The following RGS6 variants were observed in gnomAD, a reference collection of about 807,000 sequenced individuals.
RGS6 encodes regulator of G-protein signaling 6.
Under a neutral mutation model 78.5 loss-of-function variants are expected in RGS6, and 30 were observed. That is an observed-to-expected ratio of 0.38 (90% confidence interval 0.29 to 0.52). The LOEUF (loss-of-function observed/expected upper bound fraction) is 0.52, where lower values mean the gene tolerates loss of function less well. Among genes scored for constraint, RGS6 ranks in the 20% least tolerant of loss-of-function variants. The pLI, the probability that RGS6 is intolerant of heterozygous loss-of-function variation, is 0.85. For missense variants in RGS6, 495 were observed against 609.7 expected (o/e 0.81, Z 1.98); for synonymous variants, 206 against 206.0 (o/e 1.00, Z 0.00).
chr14:72,553,345 T>C (rs766148585), intron 17 of RGS6: 8 of 152,666 alleles, frequency 5.2e-5, no homozygotes, highest in Non-Finnish European at 8.8e-5. Flanking sequence ...GGTGGCTTCC[T>C]TCCAGCAGTG....
intron 2 of RGS6, among the ~76,000 whole-genome samples, chr14:72,257,808 C>G (rs1594897553): frequency 1.3e-5 from 2 of 152,130 alleles, no homozygotes; most frequent in Non-Finnish European, 2.9e-5. Flanking sequence ...AGTCCACAAG[C>G]CTCCCCCTCT....
rs528017926 is a variant in RGS6, at chr14:72,057,563, T to C, written c.84+92688T>C. Reference sequence around the variant, plus strand: ...TATCTCTCTGTTAATGCGTTTCCCATGATGATACTCGCTGCTGAGATACTT... The same window carrying C: ...TATCTCTCTGTTAATGCGTTTCCCACGATGATACTCGCTGCTGAGATACTT... On this transcript the variant is annotated intron_variant, in intron 2 of 17. Transcript: ENST00000553525. Among the ~76,000 whole-genome samples the C allele has an allele frequency of 2.6e-5, 4 of 152,290 alleles. No individual in the cohort carries two copies. The East Asian group carries it at 7.7e-4, about 29-fold the overall frequency.
rs576342709 is a variant in RGS6, at chr14:72,530,827, C to T, written c.1279-5359C>T. Among the ~76,000 whole-genome samples the T allele has an allele frequency of 2.0e-5, 3 of 152,304 alleles. No individual in the cohort carries two copies. The South Asian group carries it at 6.2e-4, about 32-fold the overall frequency. ...ATGCTCCTCTGAGCTGAGTGTAATC[C>T]TCATTCTCCTTCTGTGCAGAGAGCA... On this transcript the variant is annotated intron_variant, in intron 15 of 17. Transcript: ENST00000553525.
At position 72,495,364 on chromosome 14, in the gene RGS6, G is replaced by T. The variant is rs563353759; in HGVS notation, c.965+102G>T. ...CTATCTTAATTTGACATTTTTTATC[G>T]CTAGAACAGAAACCCCTCAAGTAGC... On this transcript the variant is annotated intron_variant, in intron 13 of 17. Transcript: ENST00000553525. The T allele has an allele frequency of 2.2e-5, 18 of 811,394 alleles. No individual in the cohort carries two copies. The Admixed American group carries it at 3.3e-4, about 15-fold the overall frequency. 50.3% of individuals were successfully genotyped at this position (811,394 alleles called of 1,614,324 possible).
chr14:72,359,843 G>A (rs1276380619), intron 3 of RGS6, among the ~76,000 whole-genome samples: 1 of 152,182 alleles, frequency 6.6e-6, no homozygotes, highest in African/African-American at 2.4e-5. Context: ...CTTTAGCAAT[G>A]CTGAATTCAT....
intron 6 of RGS6, among the ~76,000 whole-genome samples, chr14:72,463,971 A>T (rs2095842951): frequency 6.6e-6 from 1 of 152,220 alleles, no homozygotes; most frequent in Non-Finnish European, 1.5e-5. Flanking sequence ...TAAGATATAC[A>T]AAGGAACACT....
chr14:72,021,039 A>G (rs1181414323), intron 2 of RGS6, among the ~76,000 whole-genome samples: 1 of 152,184 alleles, frequency 6.6e-6, no homozygotes, highest in Non-Finnish European at 1.5e-5. Flanking sequence ...GTGTCTTGCC[A>G]ACTGGGACCA....
intron 2 of RGS6, among the ~76,000 whole-genome samples, chr14:72,342,100 C>G (rs1000310478): frequency 1.3e-5 from 2 of 152,188 alleles, no homozygotes; most frequent in African/African-American, 4.8e-5. Context: ...CAGCATTTCA[C>G]AGTGCTGGTT....
At chr14:72,166,327 G>A (rs1319853618) in intron 2 of RGS6, among the ~76,000 whole-genome samples, 1 of 152,058 alleles carries the variant, frequency 6.6e-6, no homozygotes, top group Non-Finnish European at 1.5e-5. Context: ...TTAGATTCAT[G>A]AATTCCTTTA....
chr14:72,458,176 G>T, intron 4 of RGS6, 95 bp from the exon 5 acceptor site: 2 of 892,564 alleles, frequency 2.2e-6, no homozygotes. Flanking sequence ...CAGACATCTG[G>T]GGGTGATGAC....
At chr14:72,217,688 A>G (rs1450011979) in intron 2 of RGS6, among the ~76,000 whole-genome samples, 1 of 152,214 alleles carries the variant, frequency 6.6e-6, no homozygotes, top group Non-Finnish European at 1.5e-5. Flanking sequence ...GTTACTAGCA[A>G]CAATACTGGT....
intron 2 of RGS6, among the ~76,000 whole-genome samples, chr14:72,166,376 AG>A (rs1286265313): frequency 1.3e-5 from 2 of 152,266 alleles, no homozygotes; most frequent in East Asian, 3.8e-4. Context: ...AATACAGACT[AG>A]TAAATTTATA....
At chr14:72,134,053 G>C (rs1425971030) in intron 2 of RGS6, among the ~76,000 whole-genome samples, 2 of 152,170 alleles carry the variant, frequency 1.3e-5, no homozygotes, top group Admixed American at 6.5e-5. Context: ...TCAAAATGAA[G>C]CCTACTTGGC....
the RGS6 span, among the ~76,000 whole-genome samples, chr14:71,885,896 CTTCCTTCT>C: frequency 4.7e-5 from 7 of 150,268 alleles, no homozygotes; most frequent in South Asian, 2.1e-4. Context: ...TCCTTCCTTC[CTTCCTTCT>C]TTCCTTCTTT....
chr14:72,478,397 T>C, intron 12 of RGS6, 68 bp downstream of exon 12: 4 of 1,165,194 alleles, frequency 3.4e-6, no homozygotes, highest in Non-Finnish European at 5.1e-6. Flanking sequence ...TACAGGGTTA[T>C]GGTTAACGAA....
At chr14:72,441,075 TGA>T (rs2095178523) in intron 3 of RGS6, among the ~76,000 whole-genome samples, 1 of 152,136 alleles carries the variant, frequency 6.6e-6, no homozygotes, top group African/African-American at 2.4e-5. Flanking sequence ...TATGACTGTG[TGA>T]GTGTGTGCAG....
At chr14:72,548,348 CGTGT>C (rs59943776) in intron 17 of RGS6, among the ~76,000 whole-genome samples, 1,853 of 129,518 alleles carry the variant, frequency 0.014, 40 homozygotes, top group African/African-American at 0.054. Flanking sequence ...TGTGTGCGCG[CGTGT>C]GTGTGTGTGT....
intron 2 of RGS6, among the ~76,000 whole-genome samples, chr14:72,219,930 A>AG (rs2046462890): frequency 6.6e-6 from 1 of 152,154 alleles, no homozygotes; most frequent in Non-Finnish European, 1.5e-5. Context: ...AAATAGGAAG[A>AG]GAGGAAATCA....
At chr14:72,239,832 C>T (rs1256316186) in intron 2 of RGS6, among the ~76,000 whole-genome samples, 1 of 152,148 alleles carries the variant, frequency 6.6e-6, no homozygotes, top group African/African-American at 2.4e-5. Context: ...TTTCTAATAT[C>T]CCTTTATGCT....
Sources: allele counts gnomAD v4.1 joint callset (sites outside exome capture counted in the v4.1 genomes callset), GRCh38; gene constraint gnomAD v4.1.1; transcripts MANE v1.5; gene names NCBI Gene and HGNC (gene_info 2026-07-23, HGNC 2026-07-21).